The following LTBP1 variants were observed in gnomAD, a reference collection of about 807,000 sequenced individuals.
LTBP1 encodes the protein latent-transforming growth factor beta-binding protein 1.
A neutral mutation model predicts 207.6 loss-of-function variants in LTBP1; 129 were observed. The observed-to-expected ratio is 0.62, with a 90% CI of 0.54 to 0.72. LTBP1 has a LOEUF of 0.72. LTBP1 is among the 30% of genes least tolerant of loss of function. LTBP1 has a pLI of 0.00. For synonymous variants in LTBP1, 963 were observed against 833.7 expected, an observed-to-expected ratio of 1.16 and a Z score of -2.67; for missense variants, 2,281 against 2,217.2, an observed-to-expected ratio of 1.03 and a Z score of -0.58.
At chr2:33,176,080 C>T (rs1301894094) in intron 5 of LTBP1, among the ~76,000 whole-genome samples, 1 of 151,358 alleles carries the variant, frequency 6.6e-6, no homozygotes, top group Non-Finnish European at 1.5e-5. Flanking sequence ...GGGTGCAGCA[C>T]ACCAGCATGG....
At chr2:33,049,597 G>T (rs183318297) in intron 3 of LTBP1, among the ~76,000 whole-genome samples, 9 of 151,958 alleles carry the variant, frequency 5.9e-5, no homozygotes, top group Non-Finnish European at 1.0e-4. Context: ...TGATAAAAAG[G>T]GTTAATAAAG....
chr2:33,259,301 A>G (rs1320545753), intron 12 of LTBP1, among the ~76,000 whole-genome samples: 1 of 152,234 alleles, frequency 6.6e-6, no homozygotes, highest in African/African-American at 2.4e-5. Context: ...GTTGTACCAG[A>G]AAGTATTGCC....
chr2:33,083,972 C>A (rs1311791497), intron 3 of LTBP1, among the ~76,000 whole-genome samples: 1 of 152,114 alleles, frequency 6.6e-6, no homozygotes, highest in African/African-American at 2.4e-5. Context: ...AAGGTTGGGG[C>A]CCCCAGACTG....
intron 2 of LTBP1, among the ~76,000 whole-genome samples, chr2:32,977,548 T>A (rs886770783): frequency 7.2e-5 from 11 of 152,294 alleles, no homozygotes; most frequent in African/African-American, 2.6e-4. Flanking sequence ...GTCCAAGGCT[T>A]GTATAGGTGT....
At chr2:33,272,369 G>A (rs1272271625) in intron 15 of LTBP1, among the ~76,000 whole-genome samples, 1 of 152,152 alleles carries the variant, frequency 6.6e-6, no homozygotes, top group East Asian at 1.9e-4. Flanking sequence ...GCTCAGAGGC[G>A]CCAAACTATT....
At chr2:33,040,998 C>T (rs181378403) in intron 3 of LTBP1, among the ~76,000 whole-genome samples, 1 of 152,324 alleles carries the variant, frequency 6.6e-6, no homozygotes, top group Admixed American at 6.5e-5. Flanking sequence ...CACAACTACC[C>T]CACCGTTAAT....
At chr2:33,278,294 G>A (rs576554230) in intron 18 of LTBP1, among the ~76,000 whole-genome samples, 18 of 152,202 alleles carry the variant, frequency 1.2e-4, no homozygotes, top group Admixed American at 3.3e-4. Context: ...AAATTATTTG[G>A]GAGAAAGATG....
intron 5 of LTBP1, among the ~76,000 whole-genome samples, chr2:33,140,942 G>A (rs1450455502): frequency 6.6e-6 from 1 of 152,184 alleles, no homozygotes; most frequent in African/African-American, 2.4e-5. Context: ...GGGATTACAG[G>A]CGTAAGCCAC....
At chr2:33,111,029 C>G (rs993613443) in intron 4 of LTBP1, among the ~76,000 whole-genome samples, 1 of 152,230 alleles carries the variant, frequency 6.6e-6, no homozygotes, top group South Asian at 2.1e-4. Context: ...CATATTTGCT[C>G]TAACTTTGGG....
chr2:33,119,166 A>ATTT (rs34112067), intron 4 of LTBP1, among the ~76,000 whole-genome samples: 56,266 of 149,862 alleles, frequency 0.38, 10,616 homozygotes, highest in East Asian at 0.47. Context: ...AGTCAGACTG[A>ATTT]TTTTTTTTTT....
chr2:33,104,342 C>CT (rs1413709506), intron 3 of LTBP1, among the ~76,000 whole-genome samples: 1 of 152,146 alleles, frequency 6.6e-6, no homozygotes, highest in Non-Finnish European at 1.5e-5. Context: ...TTCTCTTGTT[C>CT]TTTCTTTTCT....
At chr2:33,147,492 T>G (rs566998799) in intron 5 of LTBP1, among the ~76,000 whole-genome samples, 1 of 152,350 alleles carries the variant, frequency 6.6e-6, no homozygotes, top group East Asian at 1.9e-4. Context: ...CTGATAAAGC[T>G]ATGTCATCAA....
Position 33,223,899 on chromosome 2 carries a change from A to G in LTBP1, c.1876+1748A>G, listed in dbSNP as rs552429773. Among the ~76,000 whole-genome samples the G allele has an allele frequency of 4.9e-4, 74 of 152,324 alleles. 2 individuals carry two copies. The highest frequency in any genetic ancestry group is 1.7e-3 in the African/African-American group (70 of 41,586). ...TATAAACACGCCTTAAAATGTTTGTAAACAGGCCACTAAATGATTAACTGT... is the reference window on the plus strand; with the variant it reads ...TATAAACACGCCTTAAAATGTTTGTGAACAGGCCACTAAATGATTAACTGT... On this transcript the variant is annotated intron_variant, in intron 9 of 33. Transcript: ENST00000404816.
At chr2:33,042,545 C>T (rs1212080106) in intron 3 of LTBP1, among the ~76,000 whole-genome samples, 1 of 152,160 alleles carries the variant, frequency 6.6e-6, no homozygotes, top group Non-Finnish European at 1.5e-5. Context: ...AAGGATTAGA[C>T]ATGCCAAAGG....
intron 24 of LTBP1, among the ~76,000 whole-genome samples, chr2:33,319,017 T>G (rs554374951): frequency 6.6e-6 from 1 of 152,310 alleles, no homozygotes; most frequent in African/African-American, 2.4e-5. Context: ...GAAGGATCGC[T>G]TGAGCCCAGG....
At chr2:33,191,199 G>A (rs900250542) in intron 7 of LTBP1, among the ~76,000 whole-genome samples, 5 of 152,148 alleles carry the variant, frequency 3.3e-5, no homozygotes, top group African/African-American at 1.2e-4. Flanking sequence ...TAACAAACTT[G>A]TTATTCTTGT....
Position 33,300,565 on chromosome 2 carries a change from A to C in LTBP1, c.3350A>C (p.Gln1117Pro), listed in dbSNP as rs144993306. ...QGYQLSAAKDQCEDIDECQHR... is the reference protein window; with the variant it reads ...QGYQLSAAKDPCEDIDECQHR... ...TACCAGCTGTCGGCAGCTAAAGACC[A>C]GTGTGAAGGTAAGAGGGTAGTAACA... The change falls in exon 21 of 34, where the codon CAG (glutamine) becomes CCG (proline). Residue 1117 changes from glutamine to proline, a missense_variant. By Grantham distance (76) the Gln-to-Pro change is moderately conservative. Around this residue, in one of 3 missense-constraint regions of LTBP1, gnomAD observed 1,671 missense variants for 1,634.8 expected, o/e 1.02. Coordinates refer to ENST00000404816, the MANE Select transcript of LTBP1 (RefSeq NM_206943.4). The C allele has an allele frequency of 6.2e-7, 1 of 1,613,008 alleles. No individual in the cohort carries two copies. The highest frequency in any genetic ancestry group is 1.7e-5 in the Admixed American group (1 of 59,968).
At chr2:33,265,089 C>T (rs1265088054) in intron 15 of LTBP1, among the ~76,000 whole-genome samples, 8 of 152,140 alleles carry the variant, frequency 5.3e-5, no homozygotes, top group Non-Finnish European at 7.3e-5. Context: ...AGCCCAGCAC[C>T]CAGCAGATAG....
intron 4 of LTBP1, among the ~76,000 whole-genome samples, chr2:33,123,213 T>C (rs1209122849): frequency 6.6e-6 from 1 of 152,204 alleles, no homozygotes; most frequent in Non-Finnish European, 1.5e-5. Flanking sequence ...TAGGACCTGA[T>C]GGTATTGCTG....
Sources: allele counts gnomAD v4.1 joint callset (sites outside exome capture counted in the v4.1 genomes callset), GRCh38; gene constraint gnomAD v4.1.1; regional missense constraint gnomAD v4.1.1; transcripts MANE v1.5; gene names NCBI Gene and HGNC (gene_info 2026-07-23, HGNC 2026-07-21).